LRRC19: variants seen among roughly 807,000 people sequenced by gnomAD.
LRRC19 encodes the protein leucine rich repeat containing 19, also known as leucine-rich repeat-containing protein 19.
A neutral mutation model predicts 33.3 loss-of-function variants in LRRC19; 33 were observed. The ratio of observed to expected loss-of-function variants is 0.99; its 90% CI spans 0.75 to 1.33. The LOEUF (loss-of-function observed/expected upper bound fraction) is 1.33. Ranked by LOEUF, LRRC19 falls within the 40% of genes most tolerant of loss-of-function variation. The pLI, the probability that LRRC19 is intolerant of heterozygous loss-of-function variation, is 0.00. For missense variants in LRRC19, 463 were observed against 417.3 expected, an observed-to-expected ratio of 1.11 and a Z score of -0.95; for synonymous variants, 184 against 152.3, an observed-to-expected ratio of 1.21 and a Z score of -1.53.
Position 26,994,731 on chromosome 9 carries a change from C to A in LRRC19, c.*790G>T, listed in dbSNP as rs1828055896. The A allele has an allele frequency of 6.6e-6, 1 of 152,474 alleles. No homozygotes were observed. The highest frequency in any genetic ancestry group is 2.1e-4 in the South Asian group (1 of 4,820). 9.4% of individuals were successfully genotyped at this position (152,474 alleles called of 1,614,324 possible). A position where few individuals can be genotyped will look rare whatever the true frequency, so the allele number is the denominator to read the frequency against. ...TACTGAATAGATAGAAATAGCTGTC[C>A]ATGGACCACATGAAGATTCCTTAGT... On this transcript the variant is annotated 3_prime_UTR_variant, in exon 5 of 5. Transcript: ENST00000380055.
rs1351503797 is a variant in LRRC19, at chr9:26,994,109, T to C, written c.*1412A>G. The C allele has an allele frequency of 6.6e-6, 1 of 152,234 alleles. No individual in the cohort carries two copies. The highest frequency in any genetic ancestry group is 1.5e-5 in the Non-Finnish European group (1 of 68,028). 9.4% of individuals were successfully genotyped at this position (152,234 alleles called of 1,614,324 possible). A position where few individuals can be genotyped will look rare whatever the true frequency, so the allele number is the denominator to read the frequency against. On this transcript the variant is annotated 3_prime_UTR_variant, in exon 5 of 5. Transcript: ENST00000380055. ...CCAAACTACGTTCTTTGGAATGTTA[T>C]TGAACTACGAGCTCTTAGTAGATGT...
Position 26,995,238 on chromosome 9 carries a change from A to G in LRRC19, c.*283T>C, listed in dbSNP as rs1366020934. 1 of 218,740 alleles carries G rather than the reference A, an allele frequency of 4.6e-6. No individual in the cohort carries two copies. Among genetic ancestry groups the G allele is most frequent in the Non-Finnish European group, 9.1e-6 (1 of 109,548 alleles). The allele number at this position is 218,740 out of a possible 1,614,324, so 13.5% of individuals were successfully genotyped here. The stretch of plus-strand genomic sequence containing the variant: ...ATCCATTCATTTTAATTCATGAATA[A>G]TTTAGACCTTTTTACTAGTTCGTAT... On this transcript the variant is annotated 3_prime_UTR_variant, in exon 5 of 5. Coordinates refer to ENST00000380055, the MANE Select transcript of LRRC19 (RefSeq NM_022901.3).
intron 1 of LRRC19, among the ~76,000 whole-genome samples, chr9:27,002,004 T>A (rs10812512): frequency 0.98 from 149,184 of 151,940 alleles, 73,296 homozygotes; most frequent in East Asian, 1. Context: ...CTGTACAGGA[T>A]GCACGTCTGG....
Position 26,995,299 on chromosome 9 carries a change from TA to T in LRRC19, c.*221del, listed in dbSNP as rs1828083021. 2.3e-6 allele frequency: 1 copy of T among 426,880 alleles called. No individual in the cohort carries two copies. Among genetic ancestry groups the T allele is most frequent in the Admixed American group, 3.8e-5 (1 of 26,358 alleles). The allele number at this position is 426,880 out of a possible 1,614,324, so 26.4% of individuals were successfully genotyped here. Reference sequence around the variant, plus strand: ...GCACTGCTAAGAATAGTAGTGCTAGTATTGTAGACTATGTAACTGTCAACTA... The same window carrying T: ...GCACTGCTAAGAATAGTAGTGCTAGTTTGTAGACTATGTAACTGTCAACTA... On this transcript the variant is annotated 3_prime_UTR_variant, in exon 5 of 5. Transcript: ENST00000380055.
intron 1 of LRRC19, among the ~76,000 whole-genome samples, chr9:27,001,601 G>A (rs576878766): frequency 1.3e-5 from 2 of 152,132 alleles, no homozygotes; most frequent in East Asian, 1.9e-4. Flanking sequence ...TGTCTTTTGT[G>A]TGTTTTTTGA....
chr9:27,002,419 T>C (rs1208647729), intron 1 of LRRC19, among the ~76,000 whole-genome samples: 1 of 152,266 alleles, frequency 6.6e-6, no homozygotes, highest in Non-Finnish European at 1.5e-5. Context: ...GAAACAGTTT[T>C]ATAGTTTGAG....
chr9:27,002,803 A>AT (rs907851549), intron 1 of LRRC19, among the ~76,000 whole-genome samples: 11 of 151,156 alleles, frequency 7.3e-5, no homozygotes, highest in Non-Finnish European at 1.2e-4. Context: ...GAATTTTAGG[A>AT]TTTTTTTTTC....
At chr9:27,003,001 A>G (rs1390347336) in intron 1 of LRRC19, among the ~76,000 whole-genome samples, 1 of 151,748 alleles carries the variant, frequency 6.6e-6, no homozygotes, top group Non-Finnish European at 1.5e-5. Flanking sequence ...TAGATATTTC[A>G]CTTCATTGGT....
At chr9:27,000,774 G>A (rs1828439082) in intron 1 of LRRC19, among the ~76,000 whole-genome samples, 1 of 152,148 alleles carries the variant, frequency 6.6e-6, no homozygotes, top group African/African-American at 2.4e-5. Flanking sequence ...AACCACCGTG[G>A]CACATGTTTA....
chr9:27,000,412 T>C (rs1000483613), intron 1 of LRRC19, among the ~76,000 whole-genome samples: 1 of 152,222 alleles, frequency 6.6e-6, no homozygotes, highest in Non-Finnish European at 1.5e-5. Flanking sequence ...AGGCATTATC[T>C]ATTGGCATTA....
rs1169334458 is a variant in LRRC19 at position 26,998,242 on chromosome 9, C to G, written c.82-1G>C. On this transcript the variant is annotated splice_acceptor_variant, in intron 2 of 4. Coordinates refer to ENST00000380055, the MANE Select transcript of LRRC19 (RefSeq NM_022901.3). LOFTEE classifies it high-confidence loss of function. The stretch of plus-strand genomic sequence containing the variant: ...TTTCAGTAAAATTACATTGGACTTC[C>G]TAGAAAAACAAAAAAAAGAAAGGCA... 7.1e-7 allele frequency: 1 copy of G among 1,399,904 alleles called. No homozygotes were observed. The highest frequency in any genetic ancestry group is 1.5e-5 in the African/African-American group (1 of 68,020). 86.7% of individuals were successfully genotyped at this position (1,399,904 alleles called of 1,614,324 possible). A position where few individuals can be genotyped will look rare whatever the true frequency, so the allele number is the denominator to read the frequency against.
At position 27,000,143 on chromosome 9, in the gene LRRC19, C is replaced by A. The variant is rs373647286; in HGVS notation, c.-9-440G>T. On this transcript the variant is annotated intron_variant, in intron 1 of 4. Coordinates refer to ENST00000380055, the MANE Select transcript of LRRC19 (RefSeq NM_022901.3). ...AACAAGTGCATGGCCATTCACCATC[C>A]TTGCACTCTGATCTTAATAAACTAG... is the stretch of plus-strand genomic sequence containing the variant. Among the ~76,000 whole-genome samples the A allele has an allele frequency of 3.3e-4, 50 of 152,228 alleles. 1 individual carries two copies. In the East Asian group the frequency reaches 6.6e-3, roughly 20 times the overall value.
At chr9:27,001,756 A>T (rs1828502775) in intron 1 of LRRC19, among the ~76,000 whole-genome samples, 1 of 151,954 alleles carries the variant, frequency 6.6e-6, no homozygotes, top group African/African-American at 2.4e-5. Flanking sequence ...ATATTTTCTC[A>T]TTCCGTGGGT....
In LRRC19 at chr9:26,999,848, T is replaced by G. The variant is rs575526424; in HGVS notation, c.-9-145A>C. On this transcript the variant is annotated intron_variant, in intron 1 of 4. Coordinates refer to ENST00000380055, the MANE Select transcript of LRRC19 (RefSeq NM_022901.3). ...ACCTGGTGGCATGGTCACAGCTCACTGCAGCCTTGATCTCCCAGGCTTAAG... is the reference window on the plus strand; with the variant it reads ...ACCTGGTGGCATGGTCACAGCTCACGGCAGCCTTGATCTCCCAGGCTTAAG... The G allele has an allele frequency of 4.9e-4, 267 of 544,698 alleles. 1 individual carries two copies. The South Asian group carries it at 7.7e-3, about 16-fold the overall frequency. The allele number at this position is 544,698 out of a possible 1,614,324, so 33.7% of individuals were successfully genotyped here.
In LRRC19 at chr9:26,995,616, C is replaced by A; in HGVS notation, c.1018G>T (p.Val340Leu). 6.2e-7 allele frequency: 1 copy of A among 1,611,288 alleles called. No individual in the cohort carries two copies. The highest frequency in any genetic ancestry group is 8.5e-7 in the Non-Finnish European group (1 of 1,177,596). Residue 340 changes from valine to leucine, a missense_variant, in exon 5 of 5, where the codon GTA becomes TTA. By Grantham distance (32) the Val-to-Leu change is conservative. Transcript: ENST00000380055. ...AATGAATGTAATTGTTCAAATATTA[C>A]TGTAGTTTCTTCAGAGTTTGTTTCT... ...IPETNSEETT[V>L]IFEQLHSFVV...
chr9:26,995,773 A>G lies in LRRC19; in HGVS notation c.861T>C (p.Ile287=), dbSNP rs765356948. The change falls in exon 5 of 5, where the codon ATT becomes ATC. Residue 287 remains isoleucine (I), a synonymous_variant. Transcript: ENST00000380055. The part of the protein sequence containing the change: ...VVTVLTTSLL[I]FIAIKCPIWY... ...ATATTGGGCATTTGATAGCAATAAA[A>G]ATGAGAAGTGAAGTCGTCAGTACAG... The G allele has an allele frequency of 6.2e-7, 1 of 1,613,872 alleles. No individual in the cohort carries two copies. Among genetic ancestry groups the G allele is most frequent in the South Asian group, 1.1e-5 (1 of 91,062 alleles).
intron 1 of LRRC19, among the ~76,000 whole-genome samples, chr9:27,003,363 A>G (rs1587331051): frequency 6.6e-6 from 1 of 151,970 alleles, no homozygotes; most frequent in Non-Finnish European, 1.5e-5. Flanking sequence ...TCTCTACTAC[A>G]ATTACAAAAA....
intron 1 of LRRC19, 88 bp from the exon 2 acceptor site, chr9:26,999,791 T>TG (rs11436755): frequency 2.0e-4 from 153 of 757,968 alleles, no homozygotes; most frequent in Non-Finnish European, 2.7e-4. Flanking sequence ...TTTTTTTTTT[T>TG]GGCTGAGACA....
Position 26,998,259 on chromosome 9 carries a change from A to T in LRRC19, c.82-18T>A, listed in dbSNP as rs770456338. 7.4e-7 allele frequency: 1 copy of T among 1,359,596 alleles called. No homozygotes were observed. The highest frequency in any genetic ancestry group is 9.9e-7 in the Non-Finnish European group (1 of 1,014,274). 84.2% of individuals were successfully genotyped at this position (1,359,596 alleles called of 1,614,324 possible). A position where few individuals can be genotyped will look rare whatever the true frequency, so the allele number is the denominator to read the frequency against. On this transcript the variant is annotated intron_variant, in intron 2 of 4. Transcript: ENST00000380055. ...TGGACTTCCTAGAAAAACAAAAAAA[A>T]GAAAGGCATTAATCAGAAAAAAAAT...
Sources: allele counts gnomAD v4.1 joint callset (sites outside exome capture counted in the v4.1 genomes callset), GRCh38; gene constraint gnomAD v4.1.1; transcripts MANE v1.5; gene names NCBI Gene and HGNC (gene_info 2026-07-23, HGNC 2026-07-21).